UBA6: variants seen among roughly 807,000 people sequenced by gnomAD.
UBA6 encodes the protein ubiquitin-like modifier-activating enzyme 6.
UBA6 carries 87 observed loss-of-function variants against 148.3 expected under a neutral mutation model. The ratio of observed to expected loss-of-function variants is 0.59; its 90% CI spans 0.49 to 0.70. The LOEUF (loss-of-function observed/expected upper bound fraction) is 0.70. Ranked by LOEUF, UBA6 falls within the 30% of genes least tolerant of loss-of-function variation. The pLI, the probability that UBA6 is intolerant of heterozygous loss-of-function variation, is 0.00. For synonymous variants in UBA6, 376 were observed against 401.0 expected, an observed-to-expected ratio of 0.94 and a Z score of 0.75; for missense variants, 1,186 against 1,241.2, an observed-to-expected ratio of 0.96 and a Z score of 0.67.
intron 8 of UBA6, among the ~76,000 whole-genome samples, chr4:67,669,825 TA>T (rs1332105850): frequency 6.6e-6 from 1 of 152,214 alleles, no homozygotes; most frequent in African/African-American, 2.4e-5. Context: ...ATCCACTATC[TA>T]ACACAATAAA....
Position 67,677,667 on chromosome 4 carries a change from A to C in UBA6, c.409T>G (p.Ser137Ala), listed in dbSNP as rs752850752. ...AELNPYVHVT[S>A]SSVPFNETTD... The stretch of plus-strand genomic sequence containing the variant: ...GTCTCATTGAAAGGAACAGAAGATG[A>C]TGTGACATGAACGTATGGATTTAGT... Residue 137 changes from serine (S) to alanine (A), a missense_variant, in exon 6 of 33, where the codon TCA (serine) becomes GCA (alanine). By Grantham distance (99) the Ser-to-Ala change is moderately conservative (BLOSUM62 1). Transcript: ENST00000322244. The C allele has an allele frequency of 1.7e-5, 28 of 1,608,930 alleles. No homozygotes were observed. Among genetic ancestry groups the C allele is most frequent in the Non-Finnish European group, 2.3e-5 (27 of 1,176,192 alleles).
At chr4:67,632,693 T>C (rs912221109) in intron 23 of UBA6, among the ~76,000 whole-genome samples, 2 of 152,188 alleles carry the variant, frequency 1.3e-5, no homozygotes, top group East Asian at 3.9e-4. Context: ...AAAGAAGAAG[T>C]ATAAACGAAA....
intron 23 of UBA6, 41 bp downstream of exon 23, chr4:67,633,304 A>C: frequency 6.6e-7 from 1 of 1,511,098 alleles, no homozygotes; most frequent in Non-Finnish European, 8.8e-7. Flanking sequence ...TAAATAAGCC[A>C]AGATCAGACC....
At chr4:67,660,831 A>AG (rs760752946) in intron 13 of UBA6, among the ~76,000 whole-genome samples, 7 of 152,324 alleles carry the variant, frequency 4.6e-5, no homozygotes, top group Admixed American at 1.3e-4. Context: ...AGCAGTCGGA[A>AG]GGGGGGCTGT....
chr4:67,614,089 T>C lies in UBA6; in HGVS notation c.*4908A>G, dbSNP rs1165939072. On this transcript the variant is annotated 3_prime_UTR_variant, in exon 33 of 33. Coordinates refer to ENST00000322244, the MANE Select transcript of UBA6 (RefSeq NM_018227.6). ...TCTTTGAAGTCTGCTGAGAGTTTCC[T>C]CTGCACAATAAAACTTGTTCTCCAC... The C allele has an allele frequency of 6.6e-6, 1 of 152,210 alleles. No individual in the cohort carries two copies. The highest frequency in any genetic ancestry group is 1.5e-5 in the Non-Finnish European group (1 of 68,038). 9.4% of individuals were successfully genotyped at this position (152,210 alleles called of 1,614,324 possible).
At chr4:67,665,062 A>G in intron 10 of UBA6, 127 bp downstream of exon 10, 1 of 556,358 alleles carries the variant, frequency 1.8e-6, no homozygotes, top group Non-Finnish European at 3.1e-6. Context: ...GTACAAACAA[A>G]AAAATAAAAA....
chr4:67,663,979 G>A (rs1577821298), intron 10 of UBA6, 32 bp from the exon 11 acceptor site: 1 of 1,541,520 alleles, frequency 6.5e-7, no homozygotes, highest in East Asian at 2.3e-5. Flanking sequence ...TTACTTCAGA[G>A]TGAGTGAGTG....
chr4:67,645,814 A>G (rs1333472191), intron 16 of UBA6, 124 bp downstream of exon 16: 6 of 439,440 alleles, frequency 1.4e-5, no homozygotes, highest in Non-Finnish European at 2.4e-5. Flanking sequence ...ATAGGCTGCA[A>G]GGTCTCAGTT....
rs530051734 is a variant in UBA6, at chr4:67,655,953, T to C, written c.1104+6236A>G. Among the ~76,000 whole-genome samples the C allele has an allele frequency of 1.4e-4, 22 of 152,284 alleles. No individual in the cohort carries two copies. The East Asian group carries it at 3.9e-3, about 27-fold the overall frequency. On this transcript the variant is annotated intron_variant, in intron 13 of 32. Transcript: ENST00000322244. ...AGAAAATCTACAAGAAACGGATAAA[T>C]TCCTGGACACATACACCCTCCCAAG...
In UBA6 at chr4:67,630,665, T is replaced by C. The variant is rs544177416; in HGVS notation, c.2259-130A>G. 438 of 607,090 alleles carry C rather than the reference T, an allele frequency of 7.2e-4. 2 individuals carry two copies. The highest frequency in any genetic ancestry group is 2.3e-3 in the Admixed American group (62 of 26,708). The allele number at this position is 607,090 out of a possible 1,614,324, so 37.6% of individuals were successfully genotyped here. On this transcript the variant is annotated intron_variant, in intron 25 of 32. Coordinates refer to ENST00000322244, the MANE Select transcript of UBA6 (RefSeq NM_018227.6). ...CCACAGAATTATTATTTCAAGTTTT[T>C]TTTTTTAAGTTAGACAAAAATATTC...
chr4:67,690,349 T>C (rs1730666173), intron 2 of UBA6, among the ~76,000 whole-genome samples: 1 of 151,834 alleles, frequency 6.6e-6, no homozygotes, highest in Admixed American at 6.6e-5. Flanking sequence ...ACTATAAAAC[T>C]CCCAGAAGAA....
At chr4:67,675,020 C>T (rs191046782) in intron 6 of UBA6, among the ~76,000 whole-genome samples, 31 of 152,318 alleles carry the variant, frequency 2.0e-4, no homozygotes, top group African/African-American at 7.2e-4. Context: ...CAGGCACATG[C>T]CACCATGCCC....
intron 13 of UBA6, 31 bp downstream of exon 13, chr4:67,662,158 T>A (rs1044326637): frequency 6.2e-7 from 1 of 1,602,194 alleles, no homozygotes; most frequent in Admixed American, 1.7e-5. Context: ...AACAAACAAA[T>A]ATTCGGACAG....
intron 32 of UBA6, among the ~76,000 whole-genome samples, chr4:67,622,613 G>A (rs1728776034): frequency 6.6e-6 from 1 of 152,138 alleles, no homozygotes; most frequent in Admixed American, 6.5e-5. Context: ...TAAGTGTACT[G>A]GCCAAATCAG....
rs143605159 is a variant in UBA6, at chr4:67,667,301, A to T, written c.793+1250T>A. Among the ~76,000 whole-genome samples, 507 of 152,314 alleles carry T rather than the reference A, an allele frequency of 3.3e-3. 6 individuals carry two copies. The highest frequency in any genetic ancestry group is 0.011 in the African/African-American group (478 of 41,578). On this transcript the variant is annotated intron_variant, in intron 9 of 32. Transcript: ENST00000322244. ...TAAACAGTTTTGTTATACAACATGC[A>T]TGCTAAAATTACAAATAGTAATCCT... is the stretch of plus-strand genomic sequence containing the variant.
chr4:67,656,538 A>G (rs928303675), intron 13 of UBA6, among the ~76,000 whole-genome samples: 15 of 152,204 alleles, frequency 9.9e-5, no homozygotes, highest in Non-Finnish European at 1.9e-4. Context: ...CCTCAAAATA[A>G]TAAGAGCTAT....
At chr4:67,664,001 A>T in intron 10 of UBA6, 54 bp from the exon 11 acceptor site, 1 of 1,411,076 alleles carries the variant, frequency 7.1e-7, no homozygotes, top group Non-Finnish European at 9.9e-7. Context: ...TTATTTGACA[A>T]AATATACTGT....
chr4:67,688,563 A>G (rs1378601938), intron 2 of UBA6, among the ~76,000 whole-genome samples: 1 of 152,118 alleles, frequency 6.6e-6, no homozygotes, highest in Non-Finnish European at 1.5e-5. Flanking sequence ...ATACCATCAG[A>G]GTCAGTCCAA....
Position 67,652,608 on chromosome 4 carries a change from G to A in UBA6, c.1105-3397C>T, listed in dbSNP as rs980628262. 5.3e-5 allele frequency among the ~76,000 whole-genome samples: 8 copies of A among 152,280 alleles called. No individual in the cohort carries two copies. The East Asian group carries it at 5.8e-4, about 11-fold the overall frequency. On this transcript the variant is annotated intron_variant, in intron 13 of 32. Coordinates refer to ENST00000322244, the MANE Select transcript of UBA6 (RefSeq NM_018227.6). ...CTCGTCTGCAGCTCCCAGCGAGATC[G>A]ATGCAGAAGACAGGTGATTTCAGCA...
Sources: allele counts gnomAD v4.1 joint callset (sites outside exome capture counted in the v4.1 genomes callset), GRCh38; gene constraint gnomAD v4.1.1; transcripts MANE v1.5; gene names NCBI Gene and HGNC (gene_info 2026-07-23, HGNC 2026-07-21).